PCSK2: variants seen among roughly 807,000 people sequenced by gnomAD.
PCSK2 encodes neuroendocrine convertase 2.
PCSK2 carries 14 observed loss-of-function variants against 69.7 expected under a neutral mutation model. The observed-to-expected ratio is 0.20, with a 90% CI of 0.13 to 0.31. The LOEUF (loss-of-function observed/expected upper bound fraction) is 0.31, where lower values mean the gene tolerates loss of function less well. PCSK2 is among the 10% of genes least tolerant of loss of function. The pLI, the probability that PCSK2 is intolerant of heterozygous loss-of-function variation, is 1.00. For missense variants in PCSK2, 544 were observed against 842.5 expected (o/e 0.65, Z 4.39); for synonymous variants, 307 against 320.7 (o/e 0.96, Z 0.46).
Position 17,459,725 on chromosome 20 carries a change from C to T in PCSK2, c.1202+3277C>T, listed in dbSNP as rs181870886. On this transcript the variant is annotated intron_variant, in intron 10 of 11. Coordinates refer to ENST00000262545, the MANE Select transcript of PCSK2 (RefSeq NM_002594.5). ...TAAAAAATACATTCCCAAGCCTCAC[C>T]CAAGCCTCATAGAATACAAATCCCT... Among the ~76,000 whole-genome samples the T allele has an allele frequency of 1.2e-4, 18 of 152,254 alleles. No individual in the cohort carries two copies. The East Asian group carries it at 3.3e-3, about 28-fold the overall frequency.
chr20:17,283,325 G>T (rs73094412), intron 2 of PCSK2, among the ~76,000 whole-genome samples: 11,277 of 152,170 alleles, frequency 0.074, 489 homozygotes, highest in East Asian at 0.11. Context: ...ATTCACAAGC[G>T]GGGGCATTCA....
At chr20:17,361,276 C>T (rs916849103) in intron 4 of PCSK2, among the ~76,000 whole-genome samples, 6 of 152,162 alleles carry the variant, frequency 3.9e-5, no homozygotes, top group Non-Finnish European at 8.8e-5. Flanking sequence ...GTAAAGTAGC[C>T]TTTGATAACT....
intron 2 of PCSK2, among the ~76,000 whole-genome samples, chr20:17,310,217 C>T (rs1989462223): frequency 1.3e-5 from 2 of 152,102 alleles, no homozygotes; most frequent in African/African-American, 4.8e-5. Flanking sequence ...CCACACTGTC[C>T]CCCTGATAAG....
rs1376643194 is a variant in PCSK2 at position 17,347,844 on chromosome 20, GAAAGA to G, written c.283-10480_283-10476del. Among the ~76,000 whole-genome samples the G allele has an allele frequency of 9.4e-3, 1,138 of 121,158 alleles. 50 individuals are homozygous for G. The highest frequency in any genetic ancestry group is 0.028 in the East Asian group (120 of 4,302). The allele number at this position is 121,158 out of a possible 152,430, so 79.5% of individuals were successfully genotyped here. ...AGAAAGAAAGAAAGAAAGAAAGAAA[GAAAGA>G]AAGAAAGAAAGAGGAGAGAGAAAAA... On this transcript the variant is annotated intron_variant, in intron 2 of 11. Transcript: ENST00000262545.
At chr20:17,429,200 C>T (rs1309590200) in intron 6 of PCSK2, among the ~76,000 whole-genome samples, 1 of 151,784 alleles carries the variant, frequency 6.6e-6, no homozygotes, top group Non-Finnish European at 1.5e-5. Context: ...CTTTACAAAC[C>T]ACCCCAAAAT....
At chr20:17,404,660 AG>A (rs1278993166) in intron 5 of PCSK2, among the ~76,000 whole-genome samples, 3 of 152,214 alleles carry the variant, frequency 2.0e-5, no homozygotes, top group African/African-American at 7.2e-5. Flanking sequence ...GCTGTAGCCC[AG>A]GAGAGAACGA....
At chr20:17,455,136 A>G (rs534629517) in intron 9 of PCSK2, among the ~76,000 whole-genome samples, 2 of 152,166 alleles carry the variant, frequency 1.3e-5, no homozygotes, top group South Asian at 2.1e-4. Context: ...CCCTACCCCA[A>G]AGACCTCTCA....
chr20:17,441,011 G>A (rs2032584296), intron 8 of PCSK2, among the ~76,000 whole-genome samples: 1 of 152,180 alleles, frequency 6.6e-6, no homozygotes, highest in Non-Finnish European at 1.5e-5. Flanking sequence ...CCACAGGAGG[G>A]CTCTGCGGTC....
chr20:17,439,152 T>C (rs987943912), intron 8 of PCSK2, among the ~76,000 whole-genome samples: 1 of 152,128 alleles, frequency 6.6e-6, no homozygotes, highest in Non-Finnish European at 1.5e-5. Context: ...TTTTTTTCTT[T>C]TGAGATAGGG....
intron 2 of PCSK2, among the ~76,000 whole-genome samples, chr20:17,306,447 G>GCTTCC (rs1209783544): frequency 6.6e-6 from 1 of 152,126 alleles, no homozygotes; most frequent in Non-Finnish European, 1.5e-5. Context: ...TCCCAGGCAG[G>GCTTCC]CAATAACTGC....
intron 5 of PCSK2, among the ~76,000 whole-genome samples, chr20:17,372,636 A>C (rs1354403778): frequency 6.6e-6 from 1 of 152,134 alleles, no homozygotes; most frequent in Non-Finnish European, 1.5e-5. Flanking sequence ...TTCAGAGCAA[A>C]GTCTGAGTCT....
chr20:17,445,847 G>T (rs1034919710), intron 8 of PCSK2, among the ~76,000 whole-genome samples: 2 of 152,228 alleles, frequency 1.3e-5, no homozygotes, highest in Non-Finnish European at 2.9e-5. Context: ...GAAACAGCTG[G>T]TGCCGTTACC....
chr20:17,377,929 A>G (rs1320694082), intron 5 of PCSK2, among the ~76,000 whole-genome samples: 1 of 152,226 alleles, frequency 6.6e-6, no homozygotes. Flanking sequence ...CAAAGAAAAT[A>G]TCTGGTCATT....
intron 1 of PCSK2, among the ~76,000 whole-genome samples, chr20:17,257,147 C>A (rs988239309): frequency 1.3e-5 from 2 of 152,144 alleles, no homozygotes; most frequent in South Asian, 4.2e-4. Flanking sequence ...AAGATACTTA[C>A]GTGGCCAACA....
intron 2 of PCSK2, among the ~76,000 whole-genome samples, chr20:17,338,039 T>G (rs1363426317): frequency 6.6e-6 from 1 of 151,818 alleles, no homozygotes; most frequent in Non-Finnish European, 1.5e-5. Context: ...GTACTGGAAC[T>G]TGGGTTCAGG....
At chr20:17,257,912 C>G (rs773450854) in intron 1 of PCSK2, among the ~76,000 whole-genome samples, 6 of 152,112 alleles carry the variant, frequency 3.9e-5, no homozygotes, top group Non-Finnish European at 8.8e-5. Flanking sequence ...AGGTTTTTGT[C>G]CAGCCTTTTA....
chr20:17,244,128 A>C (rs1338191894), intron 1 of PCSK2, among the ~76,000 whole-genome samples: 3 of 152,230 alleles, frequency 2.0e-5, no homozygotes, highest in Non-Finnish European at 2.9e-5. Context: ...CAAATGATTC[A>C]CCAAAGTAAT....
At chr20:17,258,157 TG>T (rs1987246885) in intron 1 of PCSK2, among the ~76,000 whole-genome samples, 1 of 152,186 alleles carries the variant, frequency 6.6e-6, no homozygotes, top group African/African-American at 2.4e-5. Flanking sequence ...ACTATGTATT[TG>T]GCTACTGGTT....
intron 1 of PCSK2, among the ~76,000 whole-genome samples, chr20:17,259,952 A>G (rs554056451): frequency 1.3e-3 from 197 of 152,274 alleles, no homozygotes; most frequent in African/African-American, 4.5e-3. Flanking sequence ...CTCCATGGAA[A>G]AGGAAAGGGA....
Sources: allele counts gnomAD v4.1 joint callset (sites outside exome capture counted in the v4.1 genomes callset), GRCh38; gene constraint gnomAD v4.1.1; transcripts MANE v1.5; gene names NCBI Gene and HGNC (gene_info 2026-07-23, HGNC 2026-07-21).